Variants in NUP210 observed in about 807,000 individuals in gnomAD.
The protein encoded by NUP210 is nuclear pore membrane glycoprotein 210.
Under a neutral mutation model 196.0 loss-of-function variants are expected in NUP210, and 151 were observed. The ratio of observed to expected loss-of-function variants is 0.77; its 90% CI spans 0.67 to 0.88. NUP210 has a LOEUF of 0.88. Among genes scored for constraint, NUP210 ranks in the 40% least tolerant of loss-of-function variants. The pLI, the probability that NUP210 is intolerant of heterozygous loss-of-function variation, is 0.00. For missense variants in NUP210, 2,314 were observed against 2,493.7 expected (o/e 0.93, Z 1.53); for synonymous variants, 1,070 against 1,052.7 (o/e 1.02, Z -0.32).
intron 1 of NUP210, among the ~76,000 whole-genome samples, chr3:13,403,535 G>A (rs1699909051): frequency 6.6e-6 from 1 of 152,184 alleles, no homozygotes; most frequent in African/African-American, 2.4e-5. Context: ...GAGTCTGAGG[G>A]GACACAGACA....
At chr3:13,370,469 C>T (rs1698693309) in intron 13 of NUP210, among the ~76,000 whole-genome samples, 1 of 152,180 alleles carries the variant, frequency 6.6e-6, no homozygotes. Context: ...TGGCTCAGAC[C>T]CAGGCCTGTG....
intron 15 of NUP210, among the ~76,000 whole-genome samples, chr3:13,358,891 C>T (rs1008094542): frequency 2.0e-5 from 3 of 152,238 alleles, no homozygotes; most frequent in African/African-American, 7.2e-5. Context: ...GGCCTGCCCT[C>T]CGCCTGCTCA....
At chr3:13,378,676 C>T (rs1037104617) in intron 8 of NUP210, among the ~76,000 whole-genome samples, 7 of 152,188 alleles carry the variant, frequency 4.6e-5, no homozygotes, top group African/African-American at 1.4e-4. Context: ...CCACTCTACC[C>T]GGTTCTGTTT....
At chr3:13,333,742 T>C (rs1697095948) in intron 28 of NUP210, among the ~76,000 whole-genome samples, 1 of 152,238 alleles carries the variant, frequency 6.6e-6, no homozygotes, top group Non-Finnish European at 1.5e-5. Context: ...TCACTGAGTC[T>C]GACTCGGACA....
intron 14 of NUP210, 31 bp downstream of exon 14, chr3:13,365,915 G>C (rs944511630): frequency 6.2e-7 from 1 of 1,612,644 alleles, no homozygotes. Flanking sequence ...AGTGGGCAGG[G>C]GGGTGGTAAA....
intron 11 of NUP210, 129 bp from the exon 12 acceptor site, chr3:13,374,002 G>T: frequency 9.2e-7 from 1 of 1,081,556 alleles, no homozygotes; most frequent in Non-Finnish European, 1.3e-6. Context: ...ACACTCATGG[G>T]TTCACCCATG....
rs746934552 is a variant in NUP210, at chr3:13,397,429, C to T, written c.364G>A (p.Val122Ile). Residue 122 changes from valine (V) to isoleucine (I), a missense_variant, in exon 3 of 40, where the codon GTC (valine) becomes ATC (isoleucine). Coordinates refer to ENST00000254508, the MANE Select transcript of NUP210 (RefSeq NM_024923.4). ...AGGTAGAGCTCGCGGGTGGTGGAGA[C>T]GATCTGGATGTCATGGATGAGGTCC... The part of the protein sequence containing the change: ...IVDLIHDIQI[V>I]STTRELYLED... The T allele has an allele frequency of 1.4e-5, 22 of 1,612,886 alleles. No homozygotes were observed. In the South Asian group the frequency reaches 1.4e-4, roughly 10 times the overall value.
intron 20 of NUP210, chr3:13,345,104 A>C (rs112122893): frequency 2.0e-6 from 2 of 985,290 alleles, no homozygotes; most frequent in Non-Finnish European, 2.4e-6. Context: ...CTACGAGCAC[A>C]TCTTGATTGG....
intron 1 of NUP210, among the ~76,000 whole-genome samples, chr3:13,404,512 A>G (rs900950249): frequency 1.3e-5 from 2 of 152,218 alleles, no homozygotes; most frequent in East Asian, 3.8e-4. Context: ...CTAAATGAAA[A>G]TATCTTCCCC....
In NUP210 at chr3:13,340,174, G is replaced by A; in HGVS notation, c.3291+62C>T. On this transcript the variant is annotated intron_variant, in intron 24 of 39. Transcript: ENST00000254508. This position sits in a 1 kb window ranked among gnomAD's most constrained non-coding sequence, Gnocchi z 4.0. The stretch of plus-strand genomic sequence containing the variant: ...CTGCACGCAGGGCCAGAGGCGGCGT[G>A]CCTGGAACCAGGTGGTGGCCTGCAC... 6.2e-7 allele frequency: 1 copy of A among 1,608,944 alleles called. No individual in the cohort carries two copies. The highest frequency in any genetic ancestry group is 8.5e-7 in the Non-Finnish European group (1 of 1,176,434).
At chr3:13,369,118 G>A (rs1054988786) in intron 13 of NUP210, among the ~76,000 whole-genome samples, 34 of 152,100 alleles carry the variant, frequency 2.2e-4, no homozygotes, top group African/African-American at 7.2e-4. Context: ...TGTTTTGATC[G>A]CAGCCATCCT....
chr3:13,365,583 G>C (rs1295690441), intron 14 of NUP210, among the ~76,000 whole-genome samples: 2 of 152,218 alleles, frequency 1.3e-5, no homozygotes, highest in Non-Finnish European at 2.9e-5. Flanking sequence ...GACCCTGAAG[G>C]TTAGCTCTGG....
chr3:13,337,830 C>T lies in NUP210; in HGVS notation c.3552+7G>A. The T allele has an allele frequency of 6.2e-7, 1 of 1,607,118 alleles. No individual in the cohort carries two copies. Among genetic ancestry groups the T allele is most frequent in the Non-Finnish European group, 8.5e-7 (1 of 1,178,018 alleles). ...ACCAGGATTCAGAGCCCAGGAGGTC[C>T]CCTCACCTGGGTGCCCGTCCTCATC... On this transcript the variant is annotated splice_region_variant and intron_variant, in intron 26 of 39. Coordinates refer to ENST00000254508, the MANE Select transcript of NUP210 (RefSeq NM_024923.4).
At chr3:13,410,443 G>A (rs1700131057) in intron 1 of NUP210, among the ~76,000 whole-genome samples, 1 of 151,402 alleles carries the variant, frequency 6.6e-6, no homozygotes, top group African/African-American at 2.4e-5. Context: ...CTCCCAAAGT[G>A]CTGGGATTAC....
chr3:13,372,075 G>A (rs888531313), intron 12 of NUP210, 43 bp from the exon 13 acceptor site: 14 of 1,479,896 alleles, frequency 9.5e-6, no homozygotes, highest in African/African-American at 4.2e-5. Context: ...GCCTCCACAG[G>A]AGAGGCAGGG....
In NUP210 at chr3:13,348,725, G is replaced by A. The variant is rs976038924; in HGVS notation, c.2835+3154C>T. 28 of 985,214 alleles carry A rather than the reference G, an allele frequency of 2.8e-5. No homozygotes were observed. The Admixed American group carries it at 3.1e-4, about 11-fold the overall frequency. The allele number at this position is 985,214 out of a possible 1,614,324, so 61.0% of individuals were successfully genotyped here. ...AAGCATGTCCCCAGCTGCTGAGGGC[G>A]TCCTGCCATCCAAGGGTCTGCCTCT... is the stretch of plus-strand genomic sequence containing the variant. On this transcript the variant is annotated intron_variant, in intron 20 of 39. Coordinates refer to ENST00000254508, the MANE Select transcript of NUP210 (RefSeq NM_024923.4). This position sits in a 1 kb window ranked among gnomAD's most constrained non-coding sequence, Gnocchi z 4.0.
rs1323913625 is a variant in NUP210, at chr3:13,360,306, G to C, written c.2118C>G (p.His706Gln). 1.9e-6 allele frequency: 3 copies of C among 1,614,126 alleles called. No individual in the cohort carries two copies. In the African/African-American group the frequency reaches 4.0e-5, roughly 22 times the overall value. Residue 706 changes from histidine to glutamine, a missense_variant, in exon 15 of 40, where the codon CAC becomes CAG. Coordinates refer to ENST00000254508, the MANE Select transcript of NUP210 (RefSeq NM_024923.4). ...APHSSRNYQQ[H>Q]WILVTCQALG... is the part of the protein sequence containing the mutation. ...AGGCCTGACAGGTCACAAGGATCCAGTGTTGCTGATAATTCCGGGAGGAAT... is the reference window on the plus strand; with the variant it reads ...AGGCCTGACAGGTCACAAGGATCCACTGTTGCTGATAATTCCGGGAGGAAT...
At chr3:13,332,541 C>T (rs996722792) in intron 28 of NUP210, among the ~76,000 whole-genome samples, 157 bp from the exon 29 acceptor site, 2 of 152,156 alleles carry the variant, frequency 1.3e-5, no homozygotes, top group African/African-American at 4.8e-5. Context: ...ATGTGAAGGG[C>T]TGACCTTTAA....
rs895500644 is a variant in NUP210, at chr3:13,347,316, C to T, written c.2836-4013G>A. On this transcript the variant is annotated intron_variant, in intron 20 of 39. Coordinates refer to ENST00000254508, the MANE Select transcript of NUP210 (RefSeq NM_024923.4). The surrounding 1 kb of genome is among the most constrained non-coding windows in gnomAD (Gnocchi z 4.7). ...ACGAGTTAATGGGAAATGTAAAGTG[C>T]CCAGCAGGCTCCTTCCCCTGCTCTG... The T allele has an allele frequency of 2.0e-6, 2 of 985,278 alleles. No individual in the cohort carries two copies. The highest frequency in any genetic ancestry group is 1.7e-5 in the African/African-American group (1 of 57,232). The allele number at this position is 985,278 out of a possible 1,614,324, so 61.0% of individuals were successfully genotyped here. A position where few individuals can be genotyped will look rare whatever the true frequency, so the allele number is the denominator to read the frequency against.
Sources: gnomAD v4.1 joint callset for allele counts (sites outside exome capture counted in the v4.1 genomes callset) on GRCh38, gnomAD v4.1.1 for gene constraint, Gnocchi (gnomAD v3.1) non-coding constraint, MANE v1.5 for transcripts, NCBI Gene and HGNC (gene_info 2026-07-23, HGNC 2026-07-21) for gene names.